The following BCLAF3 variants were observed in gnomAD, a reference collection of about 807,000 sequenced individuals.
The protein encoded by BCLAF3 is BCLAF1 and THRAP3 family member 3, also known as transient octamer binding factor 1.
BCLAF3 carries 24 observed loss-of-function variants against 51.2 expected under a neutral mutation model. The ratio of observed to expected loss-of-function variants is 0.47; its 90% CI spans 0.34 to 0.66. BCLAF3 has a LOEUF of 0.66. Among genes scored for constraint, BCLAF3 ranks in the 30% least tolerant of loss-of-function variants. The pLI, the probability that BCLAF3 is intolerant of heterozygous loss-of-function variation, is 0.01. For missense variants in BCLAF3, 465 were observed against 525.1 expected (o/e 0.89, Z 1.12); for synonymous variants, 152 against 176.6 (o/e 0.86, Z 1.10).
intron 8 of BCLAF3, among the ~76,000 whole-genome samples, chrX:19,945,445 G>A (rs1263314378): frequency 2.8e-5 from 3 of 106,284 alleles, no homozygotes; most frequent in African/African-American, 1.1e-4. Flanking sequence ...TGTACAGGTG[G>A]GTTTTCGGTG....
At chrX:19,986,990 G>C (rs1200672807) in intron 1 of BCLAF3, among the ~76,000 whole-genome samples, 3 of 109,700 alleles carry the variant, frequency 2.7e-5, no homozygotes, top group Non-Finnish European at 5.7e-5. Context: ...TTTTTTTGTA[G>C]AGACAGGGTC....
intron 2 of BCLAF3, among the ~76,000 whole-genome samples, chrX:19,968,970 G>A (rs1247085100): frequency 4.5e-5 from 5 of 111,200 alleles, no homozygotes; most frequent in Non-Finnish European, 9.4e-5. Flanking sequence ...AAAATTAGCC[G>A]GGCGTGGTGG....
chrX:19,947,615 C>A (rs1457492981), intron 8 of BCLAF3, among the ~76,000 whole-genome samples: 1 of 111,595 alleles, frequency 9.0e-6, no homozygotes, highest in African/African-American at 3.3e-5. Context: ...CTAGACAGAA[C>A]CCCCAAGTGT....
chrX:19,938,564 T>C (rs774263995), intron 8 of BCLAF3, among the ~76,000 whole-genome samples: 2 of 111,844 alleles, frequency 1.8e-5, no homozygotes, highest in East Asian at 5.6e-4. Flanking sequence ...CCCCGCTAAT[T>C]TTTTCTATTT....
rs2071574214 is a variant in BCLAF3 at position 19,953,817 on chromosome X, A to G, written c.1526T>C (p.Val509Ala). ...ATCTGAATTCAATGGAATTTCATTT[A>G]CATCTGCCTTGTGTATATCTTGCAT... ...STMQDIHKAD[V>A]NEIPLNSDPE... The change falls in exon 6 of 12, where the codon GTA (valine) becomes GCA (alanine). Residue 509 changes from valine (V) to alanine (A), a missense_variant. Transcript: ENST00000379682. 8.3e-7 allele frequency: 1 copy of G among 1,205,098 alleles called. No homozygotes were observed. Among genetic ancestry groups the G allele is most frequent in the Non-Finnish European group, 1.1e-6 (1 of 891,569 alleles).
chrX:19,984,904 C>G, intron 1 of BCLAF3, among the ~76,000 whole-genome samples: 1 of 111,747 alleles, frequency 8.9e-6, no homozygotes, highest in Middle Eastern at 4.6e-3. Flanking sequence ...TCAGGCTGGT[C>G]TTAAACTCCC....
rs1302633273 is a variant in BCLAF3, at chrX:19,953,907, G to A, written c.1451-15C>T. ...AAAATAATTTGCTGAAAAAGGAAATGAAGAGTTTTATCTCAATGTTAAGCT... is the reference window on the plus strand; with the variant it reads ...AAAATAATTTGCTGAAAAAGGAAATAAAGAGTTTTATCTCAATGTTAAGCT... On this transcript the variant is annotated splice_polypyrimidine_tract_variant and intron_variant, in intron 5 of 11. Transcript: ENST00000379682. 20 of 1,200,152 alleles carry A rather than the reference G, an allele frequency of 1.7e-5. No homozygotes were observed. In the Admixed American group the frequency reaches 4.4e-4, roughly 26 times the overall value.
chrX:19,929,600 C>A, intron 11 of BCLAF3, 185 bp downstream of exon 11: 1 of 378,663 alleles, frequency 2.6e-6, no homozygotes, highest in East Asian at 4.6e-5. Context: ...TTTAAGGTTA[C>A]ACAGCCTCAC....
intron 4 of BCLAF3, among the ~76,000 whole-genome samples, chrX:19,957,905 A>G (rs2071722491): frequency 8.9e-6 from 1 of 112,060 alleles, no homozygotes. Flanking sequence ...CTAAATATTT[A>G]TATTTGTAAA....
chrX:19,941,759 T>A (rs1019818609), intron 8 of BCLAF3, among the ~76,000 whole-genome samples: 1 of 103,999 alleles, frequency 9.6e-6, no homozygotes, highest in African/African-American at 3.6e-5. Context: ...ATGCGGGCTC[T>A]TTTTTGGTTC....
chrX:19,970,293 T>C lies in BCLAF3; in HGVS notation c.-29A>G, dbSNP rs759379689. ...TTGACACGTGAGCCACTATCCACTTTTTACACTGCAAAGAAACACAGGATT... is the reference window on the plus strand; with the variant it reads ...TTGACACGTGAGCCACTATCCACTTCTTACACTGCAAAGAAACACAGGATT... On this transcript the variant is annotated 5_prime_UTR_variant, in exon 2 of 12. Transcript: ENST00000379682. 8.3e-7 allele frequency: 1 copy of C among 1,210,031 alleles called. No homozygotes were observed. Among genetic ancestry groups the C allele is most frequent in the East Asian group, 3.0e-5 (1 of 33,870 alleles).
At chrX:19,953,694 G>T in intron 6 of BCLAF3, 84 bp downstream of exon 6, 1 of 691,068 alleles carries the variant, frequency 1.4e-6, no homozygotes, top group Non-Finnish European at 2.2e-6. Flanking sequence ...AAGTGAGCAG[G>T]TTCGGAAAGC....
intron 11 of BCLAF3, among the ~76,000 whole-genome samples, chrX:19,919,682 CCGTATTTCTA>C (rs1313618405): frequency 9.1e-6 from 1 of 109,706 alleles, no homozygotes; most frequent in African/African-American, 3.3e-5. Context: ...CATGGTGAAA[CCGTATTTCTA>C]CCAAAAATAC....
intron 1 of BCLAF3, among the ~76,000 whole-genome samples, chrX:19,983,165 C>T (rs897519128): frequency 9.8e-6 from 1 of 101,729 alleles, no homozygotes; most frequent in African/African-American, 3.5e-5. Flanking sequence ...GCCATGTTGG[C>T]CAAGCTGGTC....
chrX:19,932,525 A>ATTTTTTTTTTT (rs58949658), intron 10 of BCLAF3, among the ~76,000 whole-genome samples: 1 of 77,440 alleles, frequency 1.3e-5, no homozygotes. Flanking sequence ...ACAAGTCAAG[A>ATTTTTTTTTTT]TTTTTTTTTT....
chrX:19,917,155 A>G lies in BCLAF3; in HGVS notation c.*150T>C, dbSNP rs1374871936. 4 of 518,129 alleles carry G rather than the reference A, an allele frequency of 7.7e-6. No individual in the cohort carries two copies. The highest frequency in any genetic ancestry group is 9.9e-6 in the Non-Finnish European group (3 of 303,956). The allele number at this position is 518,129 out of a possible 1,213,427, so 42.7% of individuals were successfully genotyped here. A position where few individuals can be genotyped will look rare whatever the true frequency, so the allele number is the denominator to read the frequency against. ...TAAAAGCAATTGTTAGGTGTAAAAA[A>G]GTTGCAGCATTCCACTACTAAAAAA... On this transcript the variant is annotated 3_prime_UTR_variant, in exon 12 of 12. Transcript: ENST00000379682.
intron 7 of BCLAF3, among the ~76,000 whole-genome samples, chrX:19,951,806 T>C (rs2071493168): frequency 9.1e-6 from 1 of 109,837 alleles, no homozygotes; most frequent in Admixed American, 9.7e-5. Flanking sequence ...TGCATGTCTA[T>C]AGTCCTAGCT....
intron 8 of BCLAF3, among the ~76,000 whole-genome samples, chrX:19,946,432 G>T (rs558251246): frequency 8.9e-6 from 1 of 111,734 alleles, no homozygotes; most frequent in East Asian, 2.8e-4. Flanking sequence ...TCCCTGATGT[G>T]TCCACTCTAC....
intron 3 of BCLAF3, 56 bp downstream of exon 3, chrX:19,966,024 G>A (rs1490247297): frequency 7.6e-5 from 79 of 1,046,085 alleles, no homozygotes; most frequent in Non-Finnish European, 1.0e-4. Context: ...AAAGTAAACA[G>A]ATCTTTTCAC....
Sources: allele counts gnomAD v4.1 joint callset (sites outside exome capture counted in the v4.1 genomes callset), GRCh38; gene constraint gnomAD v4.1.1; transcripts MANE v1.5; gene names NCBI Gene and HGNC (gene_info 2026-07-23, HGNC 2026-07-21).